LRP4: variants seen among roughly 807,000 people sequenced by gnomAD.
LRP4 encodes LDL receptor related protein 4.
Under a neutral mutation model 220.3 loss-of-function variants are expected in LRP4, and 95 were observed. The observed-to-expected ratio is 0.43, with a 90% CI of 0.37 to 0.51. LRP4 has a LOEUF of 0.51. Among genes scored for constraint, LRP4 ranks in the 20% least tolerant of loss-of-function variants. The pLI is 0.00. For synonymous variants in LRP4, 903 were observed against 954.6 expected (o/e 0.95, Z 1.00); for missense variants, 1,925 against 2,567.0 (o/e 0.75, Z 5.40).
Position 46,862,735 on chromosome 11 carries a change from G to C in LRP4, c.5256C>G (p.Ser1752=). The change falls in exon 37 of 38, where the codon TCC becomes TCG. Residue 1752 remains serine (S), a synonymous_variant. Coordinates refer to ENST00000378623, the MANE Select transcript of LRP4 (RefSeq NM_002334.4). ...AALMLYRHKK[S]KFTDPGMGNL... is the part of the protein sequence containing the mutation. ...TCCCCATTCCAGGATCAGTGAACTTGGATTTTTTGTGTCTTTAGGAGGGAA... is the reference window on the plus strand; with the variant it reads ...TCCCCATTCCAGGATCAGTGAACTTCGATTTTTTGTGTCTTTAGGAGGGAA... 2 of 1,613,912 alleles carry C rather than the reference G, an allele frequency of 1.2e-6. No individual in the cohort carries two copies. The highest frequency in any genetic ancestry group is 2.2e-5 in the South Asian group (2 of 91,058).
At chr11:46,912,718 T>C (rs1031453490) in intron 1 of LRP4, among the ~76,000 whole-genome samples, 5 of 152,174 alleles carry the variant, frequency 3.3e-5, no homozygotes, top group Admixed American at 3.3e-4. Flanking sequence ...ACTTACAACC[T>C]TGCAGCTTCT....
intron 16 of LRP4, among the ~76,000 whole-genome samples, chr11:46,888,014 CAAAAAAAAAAAAAAA>C (rs59369000): frequency 2.2e-5 from 1 of 45,906 alleles, no homozygotes; most frequent in Non-Finnish European, 3.4e-5. Flanking sequence ...GACCCTGTCT[CAAAAAAAAAAAAAAA>C]AAAAAAAAAA....
At position 46,892,845 on chromosome 11, in the gene LRP4, C is replaced by T. The variant is rs979167570; in HGVS notation, c.1697+128G>A. 4 of 1,146,894 alleles carry T rather than the reference C, an allele frequency of 3.5e-6. No individual in the cohort carries two copies. The African/African-American group carries it at 4.6e-5, about 13-fold the overall frequency. The allele number at this position is 1,146,894 out of a possible 1,614,324, so 71.0% of individuals were successfully genotyped here. On this transcript the variant is annotated intron_variant, in intron 13 of 37. Coordinates refer to ENST00000378623, the MANE Select transcript of LRP4 (RefSeq NM_002334.4). ...TTGGCCTCCCAAAGTGCTGGGATTA[C>T]AGGCGTGAGCCACCGCGCCCAGCTA... is the stretch of plus-strand genomic sequence containing the variant.
rs1220025515 is a variant in LRP4, at chr11:46,886,551, G to A, written c.2216-18C>T. The A allele has an allele frequency of 1.2e-6, 2 of 1,607,436 alleles. No individual in the cohort carries two copies. The highest frequency in any genetic ancestry group is 1.7e-5 in the Admixed American group (1 of 59,928). ...GTCAAGACCTGATCAAAGGCCGAAA[G>A]GGGTCTTCTTTTAATGCTCTAAATC... is the stretch of plus-strand genomic sequence containing the variant. On this transcript the variant is annotated intron_variant, in intron 16 of 37. Transcript: ENST00000378623.
chr11:46,900,301 C>G lies in LRP4; in HGVS notation c.277G>C (p.Asp93His). The G allele has an allele frequency of 1.9e-6, 3 of 1,614,154 alleles. No homozygotes were observed. The highest frequency in any genetic ancestry group is 2.5e-6 in the Non-Finnish European group (3 of 1,180,004). ...TCCGAGTCATCCTCACAGTCGTTGT[C>G]CCCGTCACACACCCAGGAGCGGCGG... is the stretch of plus-strand genomic sequence containing the variant. ...CIRRSWVCDG[D>H]NDCEDDSDEQ... Residue 93 changes from aspartate (D) to histidine (H), a missense_variant, in exon 3 of 38, where the codon GAC becomes CAC. Asp to His is a moderately conservative substitution (Grantham distance 81). Transcript: ENST00000378623.
chr11:46,910,415 T>C (rs577782024), intron 1 of LRP4, among the ~76,000 whole-genome samples: 36 of 152,364 alleles, frequency 2.4e-4, no homozygotes, highest in Admixed American at 2.1e-3. Flanking sequence ...TTAGCATTAC[T>C]GCCTGGCACA....
In LRP4 at chr11:46,918,225, G is replaced by A; in HGVS notation, c.52+103C>T. 7.9e-7 allele frequency: 1 copy of A among 1,262,430 alleles called. No individual in the cohort carries two copies. Among genetic ancestry groups the A allele is most frequent in the Non-Finnish European group, 1.1e-6 (1 of 918,318 alleles). 78.2% of individuals were successfully genotyped at this position (1,262,430 alleles called of 1,614,324 possible). A position where few individuals can be genotyped will look rare whatever the true frequency, so the allele number is the denominator to read the frequency against. On this transcript the variant is annotated intron_variant, in intron 1 of 37. Transcript: ENST00000378623. The surrounding 1 kb of genome is among the most constrained non-coding windows in gnomAD (Gnocchi z 6.0). ...GCCCCAGGGCCACGGCTAGGAGCGA[G>A]GGCGAGGGGTCTCAGGCCCCGGCCC... is the stretch of plus-strand genomic sequence containing the variant.
At position 46,877,103 on chromosome 11, in the gene LRP4, G is replaced by A. The variant is rs1941040126; in HGVS notation, c.3277+96C>T. 10 of 1,400,016 alleles carry A rather than the reference G, an allele frequency of 7.1e-6. No individual in the cohort carries two copies. In the South Asian group the frequency reaches 8.1e-5, roughly 11 times the overall value. The allele number at this position is 1,400,016 out of a possible 1,614,324, so 86.7% of individuals were successfully genotyped here. ...GAGGGAATGGGGAACAAACACCCTGGCTCTTGGCAGGAGACAAAGGTGGTG... is the reference window on the plus strand; with the variant it reads ...GAGGGAATGGGGAACAAACACCCTGACTCTTGGCAGGAGACAAAGGTGGTG... On this transcript the variant is annotated intron_variant, in intron 23 of 37. Transcript: ENST00000378623.
At chr11:46,862,807 A>C (rs2134760608) in intron 36 of LRP4, 60 bp from the exon 37 acceptor site, 1 of 1,519,644 alleles carries the variant, frequency 6.6e-7, no homozygotes, top group East Asian at 2.3e-5. Flanking sequence ...ATACCTGGGA[A>C]AGCTGTAAAC....
chr11:46,897,684 T>C (rs1941568552), intron 7 of LRP4, among the ~76,000 whole-genome samples: 1 of 151,452 alleles, frequency 6.6e-6, no homozygotes, highest in Non-Finnish European at 1.5e-5. Flanking sequence ...GAGCACAGGG[T>C]TGGGGGTAAG....
intron 34 of LRP4, among the ~76,000 whole-genome samples, chr11:46,867,109 G>C (rs1308873459): frequency 6.6e-6 from 1 of 151,994 alleles, no homozygotes; most frequent in Non-Finnish European, 1.5e-5. Context: ...TCTCAAATCA[G>C]GAAGCATTTT....
intron 16 of LRP4, among the ~76,000 whole-genome samples, chr11:46,888,560 A>AAAAAAAAAAAAAC (rs1941349530): frequency 7.0e-6 from 1 of 142,638 alleles, no homozygotes. Context: ...AAAAAAAAAA[A>AAAAAAAAAAAAAC]AAAAAAAAAA....
At chr11:46,876,433 C>G (rs769918507) in intron 25 of LRP4, 33 bp downstream of exon 25, 42 of 1,613,252 alleles carry the variant, frequency 2.6e-5, no homozygotes, top group South Asian at 4.4e-5. Flanking sequence ...GCTGGCCCCC[C>G]ACACTACCCA....
chr11:46,881,666 GTGCCACCCTTACCTTCCTCTTAC>G lies in LRP4; in HGVS notation c.2814+13_2814+35del. The stretch of plus-strand genomic sequence containing the variant: ...GTCAAGGCTGTGGGAAGATGTTTTA[GTGCCACCCTTACCTTCCTCTTAC>G]TGCCACCCTTACCTTCCTCTTACTG... On this transcript the variant is annotated intron_variant, in intron 20 of 37. Transcript: ENST00000378623. 2,905 of 1,599,096 alleles carry G rather than the reference GTGCCACCCTTACCTTCCTCTTAC, an allele frequency of 1.8e-3. 26 individuals are homozygous for G. The African/African-American group carries it at 0.02, about 11-fold the overall frequency.
intron 1 of LRP4, among the ~76,000 whole-genome samples, chr11:46,905,119 C>T (rs1445274719): frequency 6.6e-6 from 1 of 151,858 alleles, no homozygotes; most frequent in Non-Finnish European, 1.5e-5. Context: ...GGTCTCTCTA[C>T]AAATGCAGGG....
chr11:46,877,312 C>A lies in LRP4; in HGVS notation c.3164G>T (p.Arg1055Met). 6.2e-7 allele frequency: 1 copy of A among 1,614,094 alleles called. No individual in the cohort carries two copies. The highest frequency in any genetic ancestry group is 8.5e-7 in the Non-Finnish European group (1 of 1,180,002). Residue 1055 changes from arginine (R) to methionine (M), a missense_variant, in exon 23 of 38, where the codon AGG becomes ATG. Transcript: ENST00000378623. The part of the protein sequence containing the change: ...PGMNSFLIFA[R>M]RIDIRMVSLD... ...GGAGACCATGCGAATGTCTATCCTC[C>A]TGGCGAAGATGAGGAAACTGTTCAT...
In LRP4 at chr11:46,869,090, T is replaced by C. The variant is rs1447465345; in HGVS notation, c.4735A>G (p.Ile1579Val). ...IYWTDWQTKS[I>V]QRVDKYSGRN... ...CCTGAGTATTTGTCAACACGCTGGA[T>C]TGACTTGGTCTGCCAGTCTGTCCAG... is the stretch of plus-strand genomic sequence containing the variant. Residue 1579 changes from isoleucine (I) to valine (V), a missense_variant, in exon 32 of 38, where the codon ATC becomes GTC. Physicochemically the swap from Ile to Val is conservative, Grantham distance 29. Around this residue, in one of 3 missense-constraint regions of LRP4, gnomAD observed 1,244 missense variants for 1,624.9 expected, o/e 0.77. Coordinates refer to ENST00000378623, the MANE Select transcript of LRP4 (RefSeq NM_002334.4). The C allele has an allele frequency of 2.5e-6, 4 of 1,614,196 alleles. No individual in the cohort carries two copies. The highest frequency in any genetic ancestry group is 1.3e-5 in the African/African-American group (1 of 75,056).
intron 18 of LRP4, among the ~76,000 whole-genome samples, chr11:46,885,007 A>G (rs985720585): frequency 1.3e-5 from 2 of 152,004 alleles, no homozygotes; most frequent in South Asian, 2.1e-4. Context: ...TTTTTTGGAG[A>G]CAGGCTCTTG....
At position 46,899,144 on chromosome 11, in the gene LRP4, A is replaced by C; in HGVS notation, c.548-112T>G. 9.2e-7 allele frequency: 1 copy of C among 1,087,270 alleles called. No individual in the cohort carries two copies. Among genetic ancestry groups the C allele is most frequent in the Non-Finnish European group, 1.4e-6 (1 of 738,612 alleles). The allele number at this position is 1,087,270 out of a possible 1,614,324, so 67.4% of individuals were successfully genotyped here. ...TCAGGCAGGAGAGCTTCTTCAAGTG[A>C]GATGTAACCAGGTTTCATCTGGGAC... On this transcript the variant is annotated intron_variant, in intron 5 of 37. Transcript: ENST00000378623. This position sits in a 1 kb window ranked among gnomAD's most constrained non-coding sequence, Gnocchi z 5.9.
Sources: allele counts gnomAD v4.1 joint callset (sites outside exome capture counted in the v4.1 genomes callset), GRCh38; gene constraint gnomAD v4.1.1; regional missense constraint gnomAD v4.1.1; non-coding constraint Gnocchi (gnomAD v3.1); transcripts MANE v1.5; gene names NCBI Gene and HGNC (gene_info 2026-07-23, HGNC 2026-07-21).